The following ATG10 variants were observed in gnomAD, a reference collection of about 807,000 sequenced individuals.
ATG10 encodes the protein ubiquitin-like-conjugating enzyme ATG10.
A neutral mutation model predicts 32.1 loss-of-function variants in ATG10; 30 were observed. The ratio of observed to expected loss-of-function variants is 0.94; its 90% CI spans 0.70 to 1.27. ATG10 has a LOEUF of 1.27. Among genes scored for constraint, ATG10 ranks in the 50% most tolerant of loss-of-function variants. The pLI, the probability that ATG10 is intolerant of heterozygous loss-of-function variation, is 0.00. For synonymous variants in ATG10, 87 were observed against 91.5 expected, an observed-to-expected ratio of 0.95 and a Z score of 0.28; for missense variants, 233 against 262.3, an observed-to-expected ratio of 0.89 and a Z score of 0.77.
At chr5:82,006,333 T>C (rs767638394) in intron 2 of ATG10, among the ~76,000 whole-genome samples, 10 of 152,200 alleles carry the variant, frequency 6.6e-5, no homozygotes, top group Non-Finnish European at 1.5e-4. Context: ...AAATGTCTTA[T>C]TATGAAACAT....
At chr5:82,065,892 A>C (rs1763929012) in intron 3 of ATG10, among the ~76,000 whole-genome samples, 1 of 152,134 alleles carries the variant, frequency 6.6e-6, no homozygotes. Flanking sequence ...AATAGCTGCT[A>C]AACTTAAGTT....
intron 5 of ATG10, among the ~76,000 whole-genome samples, chr5:82,205,166 T>C (rs1745242597): frequency 6.6e-6 from 1 of 152,138 alleles, no homozygotes; most frequent in Non-Finnish European, 1.5e-5. Flanking sequence ...TTCAGAGAAG[T>C]CAGGTAAGAA....
chr5:82,016,523 G>A (rs553201822), intron 2 of ATG10, among the ~76,000 whole-genome samples: 15 of 152,102 alleles, frequency 9.9e-5, no homozygotes, highest in Non-Finnish European at 1.5e-4. Context: ...AATGCCTCCA[G>A]ATTTGTTCTT....
At chr5:82,151,626 CAAA>C (rs530575677) in intron 3 of ATG10, among the ~76,000 whole-genome samples, 9 of 98,434 alleles carry the variant, frequency 9.1e-5, no homozygotes, top group Non-Finnish European at 1.1e-4. Flanking sequence ...ATCCCTGGAA[CAAA>C]AAAAAAAAAA....
intron 3 of ATG10, among the ~76,000 whole-genome samples, chr5:82,065,639 T>C (rs1763920926): frequency 1.3e-5 from 2 of 152,200 alleles, no homozygotes; most frequent in African/African-American, 4.8e-5. Context: ...TTTTTTTGTA[T>C]TTAATTGAAG....
chr5:82,090,709 C>T (rs919474989), intron 3 of ATG10, among the ~76,000 whole-genome samples: 1 of 152,092 alleles, frequency 6.6e-6, no homozygotes, highest in Non-Finnish European at 1.5e-5. Flanking sequence ...GTGCACTGCA[C>T]TGTATCAGTG....
chr5:82,090,491 A>G (rs1005195522), intron 3 of ATG10, among the ~76,000 whole-genome samples: 3 of 152,216 alleles, frequency 2.0e-5, no homozygotes, highest in African/African-American at 4.8e-5. Flanking sequence ...TGCTGAATGA[A>G]TAGAGTCAGT....
intron 3 of ATG10, among the ~76,000 whole-genome samples, chr5:82,145,550 T>A (rs547996770): frequency 6.6e-6 from 1 of 152,200 alleles, no homozygotes; most frequent in East Asian, 1.9e-4. Flanking sequence ...TTCTTCACCA[T>A]CCTTTATATA....
At chr5:82,218,809 G>A (rs745337848) in intron 5 of ATG10, among the ~76,000 whole-genome samples, 7 of 152,142 alleles carry the variant, frequency 4.6e-5, no homozygotes, top group Non-Finnish European at 7.3e-5. Context: ...TTGTTGAGGC[G>A]CACCTAACCC....
At chr5:81,983,514 A>ACC (rs1238413041) in intron 1 of ATG10, among the ~76,000 whole-genome samples, 1 of 71,158 alleles carries the variant, frequency 1.4e-5, no homozygotes, top group Admixed American at 1.6e-4. Context: ...CGGGGGGCTG[A>ACC]CCCCCCCCAC....
chr5:82,040,179 A>T (rs73768615), intron 2 of ATG10, among the ~76,000 whole-genome samples: 34,352 of 151,902 alleles, frequency 0.23, 4,058 homozygotes, highest in African/African-American at 0.3. Context: ...GCCCATTTTC[A>T]GGGGGAGGGG....
chr5:81,981,930 A>G (rs1761059356), intron 1 of ATG10, among the ~76,000 whole-genome samples: 1 of 152,238 alleles, frequency 6.6e-6, no homozygotes, highest in Non-Finnish European at 1.5e-5. Flanking sequence ...TTTTCTGGAA[A>G]GATATATTTG....
chr5:82,153,970 C>T (rs1276022525), intron 3 of ATG10, among the ~76,000 whole-genome samples: 1 of 149,142 alleles, frequency 6.7e-6, no homozygotes, highest in Non-Finnish European at 1.5e-5. Flanking sequence ...GGCTGGAGTG[C>T]AGTGTGCAAC....
chr5:82,175,019 G>A (rs975106451), intron 4 of ATG10, among the ~76,000 whole-genome samples: 1 of 152,126 alleles, frequency 6.6e-6, no homozygotes, highest in East Asian at 1.9e-4. Context: ...TGGAGGTCAC[G>A]ACTGTCTAAG....
At chr5:82,094,505 C>G (rs1003335310) in intron 3 of ATG10, among the ~76,000 whole-genome samples, 29 of 152,062 alleles carry the variant, frequency 1.9e-4, no homozygotes, top group African/African-American at 6.3e-4. Flanking sequence ...GGAATGCTAT[C>G]TGGTAATATG....
chr5:82,109,172 AG>A (rs1223732388), intron 3 of ATG10, among the ~76,000 whole-genome samples: 2 of 152,066 alleles, frequency 1.3e-5, no homozygotes, highest in Non-Finnish European at 2.9e-5. Context: ...GAGAGTGGTC[AG>A]GGGAATGCCT....
chr5:82,104,495 A>T (rs1765384179), intron 3 of ATG10, among the ~76,000 whole-genome samples: 1 of 152,062 alleles, frequency 6.6e-6, no homozygotes, highest in Non-Finnish European at 1.5e-5. Context: ...TAAAAAATTG[A>T]TACAACTAAT....
chr5:82,106,323 T>C (rs1239583123), intron 3 of ATG10, among the ~76,000 whole-genome samples: 1 of 152,162 alleles, frequency 6.6e-6, no homozygotes, highest in African/African-American at 2.4e-5. Flanking sequence ...AAGTGGACCT[T>C]TCTAGTTCAC....
chr5:81,993,360 C>CTTTCTTTCCTTCCTTCTTTCTT, intron 2 of ATG10, among the ~76,000 whole-genome samples: 7 of 46,772 alleles, frequency 1.5e-4, no homozygotes, highest in Non-Finnish European at 2.8e-4. Flanking sequence ...TCTTTCTTTC[C>CTTTCTTTCCTTCCTTCTTTCTT]TTCTTTTCTT....
Sources: gnomAD v4.1 joint callset for allele counts (sites outside exome capture counted in the v4.1 genomes callset) on GRCh38, gnomAD v4.1.1 for gene constraint, MANE v1.5 for transcripts, NCBI Gene and HGNC (gene_info 2026-07-23, HGNC 2026-07-21) for gene names.